The following GNAO1 variants were observed in gnomAD, a reference collection of about 807,000 sequenced individuals.
GNAO1 encodes the protein G protein subunit alpha o1.
For missense variants in GNAO1, 166 were observed against 478.7 expected, an observed-to-expected ratio of 0.35 and a Z score of 6.10; for synonymous variants, 164 against 180.7, an observed-to-expected ratio of 0.91 and a Z score of 0.74.
At chr16:56,305,248 A>G (rs1354930455) in intron 3 of GNAO1, among the ~76,000 whole-genome samples, 1 of 152,226 alleles carries the variant, frequency 6.6e-6, no homozygotes, top group Non-Finnish European at 1.5e-5. Flanking sequence ...ACAATAGTTA[A>G]TGAAGCAGAT....
In GNAO1 at chr16:56,326,612, G is replaced by A. The variant is rs962932527; in HGVS notation, c.304-2019G>A. Among the ~76,000 whole-genome samples the A allele has an allele frequency of 2.6e-5, 4 of 152,216 alleles. No individual in the cohort carries two copies. Among genetic ancestry groups the A allele is most frequent in the South Asian group, 2.1e-4 (1 of 4,836 alleles). On this transcript the variant is annotated intron_variant, in intron 3 of 8. Transcript: ENST00000262493. This position sits in a 1 kb window ranked among gnomAD's most constrained non-coding sequence, Gnocchi z 4.8. The stretch of plus-strand genomic sequence containing the variant: ...TGGCTGCTGGGGCTCCATCCCATGG[G>A]GATCCTGTCTGAATGTGTAGCTTGT...
chr16:56,323,250 A>G (rs1190146173), intron 3 of GNAO1, among the ~76,000 whole-genome samples: 1 of 152,210 alleles, frequency 6.6e-6, no homozygotes, highest in African/African-American at 2.4e-5. Flanking sequence ...TGCGGGAATG[A>G]TGGGCAGCTG....
intron 6 of GNAO1, among the ~76,000 whole-genome samples, chr16:56,337,193 A>C (rs1374828511): frequency 6.6e-6 from 1 of 152,260 alleles, no homozygotes. Context: ...AAAAACCAGG[A>C]GGCAGCCAAG....
rs534773154 is a variant in GNAO1 at position 56,326,506 on chromosome 16, C to T, written c.304-2125C>T. On this transcript the variant is annotated intron_variant, in intron 3 of 8. Coordinates refer to ENST00000262493, the MANE Select transcript of GNAO1 (RefSeq NM_020988.3). This position sits in a 1 kb window ranked among gnomAD's most constrained non-coding sequence, Gnocchi z 4.8. The stretch of plus-strand genomic sequence containing the variant: ...AAGGAGTTTATTTGGGAGGTCATTT[C>T]AGGAAGCACCGAGGAAGTGGGGAAG... Among the ~76,000 whole-genome samples, 1 of 152,318 alleles carries T rather than the reference C, an allele frequency of 6.6e-6. No homozygotes were observed. The highest frequency in any genetic ancestry group is 2.4e-5 in the African/African-American group (1 of 41,568).
chr16:56,219,396 A>G (rs2036464065), intron 2 of GNAO1, among the ~76,000 whole-genome samples: 1 of 152,190 alleles, frequency 6.6e-6, no homozygotes, highest in Non-Finnish European at 1.5e-5. Context: ...AGGCTTGGGA[A>G]GTCAAGGCAC....
chr16:56,213,153 GA>G (rs2036406400), intron 2 of GNAO1: 1 of 394,556 alleles, frequency 2.5e-6, no homozygotes, highest in South Asian at 1.4e-4. Context: ...GAGGGAATGT[GA>G]ATTTGTCTGT....
In GNAO1 at chr16:56,235,514, C is replaced by T. The variant is rs745803237; in HGVS notation, c.162-40417C>T. Reference sequence around the variant, plus strand: ...TGGCACCTGCCTGGTCAGTTCTCCTCGACATCCCCTGAGAGCACAACCAGT... The same window carrying T: ...TGGCACCTGCCTGGTCAGTTCTCCTTGACATCCCCTGAGAGCACAACCAGT... On this transcript the variant is annotated intron_variant, in intron 2 of 8. Transcript: ENST00000262493. 4.8e-5 allele frequency: 21 copies of T among 435,928 alleles called. 1 individual carries two copies. Among genetic ancestry groups the T allele is most frequent in the East Asian group, 7.0e-5 (1 of 14,340 alleles). 27.0% of individuals were successfully genotyped at this position (435,928 alleles called of 1,614,324 possible).
chr16:56,246,322 C>T (rs1304605621), intron 2 of GNAO1, among the ~76,000 whole-genome samples: 1 of 152,232 alleles, frequency 6.6e-6, no homozygotes, highest in Non-Finnish European at 1.5e-5. Context: ...TTCAGCCTCC[C>T]AGCTGTAATC....
intron 2 of GNAO1, among the ~76,000 whole-genome samples, chr16:56,216,681 TA>T (rs2036439662): frequency 6.6e-6 from 1 of 152,224 alleles, no homozygotes; most frequent in African/African-American, 2.4e-5. Flanking sequence ...CACAGGACTG[TA>T]AAATATAAGC....
chr16:56,277,667 A>G (rs1418773468), intron 3 of GNAO1, among the ~76,000 whole-genome samples: 1 of 152,074 alleles, frequency 6.6e-6, no homozygotes, highest in Non-Finnish European at 1.5e-5. Context: ...ATCTTCAGGC[A>G]TGGCACAAGC....
chr16:56,344,890 G>C (rs1468098385), intron 6 of GNAO1: 4 of 985,402 alleles, frequency 4.1e-6, no homozygotes, highest in Admixed American at 6.1e-5. Context: ...AGGTCTAGAG[G>C]GGGTGGACTT....
chr16:56,218,419 C>T (rs1336283969), intron 2 of GNAO1, among the ~76,000 whole-genome samples: 1 of 152,164 alleles, frequency 6.6e-6, no homozygotes, highest in Non-Finnish European at 1.5e-5. Flanking sequence ...AAGTGGAGCA[C>T]ACGTGCCCTG....
chr16:56,269,755 C>G (rs1418196131), intron 2 of GNAO1, among the ~76,000 whole-genome samples: 1 of 152,150 alleles, frequency 6.6e-6, no homozygotes, highest in Admixed American at 6.5e-5. Flanking sequence ...AACCATGTAT[C>G]CCAACAGCCT....
chr16:56,208,685 A>G (rs1269231831), intron 2 of GNAO1, among the ~76,000 whole-genome samples: 1 of 152,062 alleles, frequency 6.6e-6, no homozygotes, highest in African/African-American at 2.4e-5. Context: ...ATAGGCAAGT[A>G]GTAGATCTCA....
At chr16:56,341,309 C>T (rs1174903658) in intron 6 of GNAO1, among the ~76,000 whole-genome samples, 1 of 152,204 alleles carries the variant, frequency 6.6e-6, no homozygotes, top group African/African-American at 2.4e-5. Context: ...AGATGAGGGG[C>T]GGGGCACAGA....
intron 2 of GNAO1, among the ~76,000 whole-genome samples, chr16:56,253,248 C>T (rs183118686): frequency 1.3e-5 from 2 of 152,158 alleles, no homozygotes; most frequent in African/African-American, 4.8e-5. Context: ...ATCTCACCCG[C>T]AACAGTGTGT....
chr16:56,256,328 C>A (rs2143469317), intron 2 of GNAO1, among the ~76,000 whole-genome samples: 1 of 152,304 alleles, frequency 6.6e-6, no homozygotes, highest in African/African-American at 2.4e-5. Flanking sequence ...GTCAATCAGG[C>A]AAAGCCAGTT....
intron 3 of GNAO1, among the ~76,000 whole-genome samples, chr16:56,313,390 T>TA (rs1407373549): frequency 6.6e-6 from 1 of 152,142 alleles, no homozygotes; most frequent in Non-Finnish European, 1.5e-5. Context: ...TGAAAATAAC[T>TA]ATAAGTCCAT....
intron 2 of GNAO1, among the ~76,000 whole-genome samples, chr16:56,197,588 G>C (rs2036244783): frequency 2.0e-5 from 3 of 152,218 alleles, no homozygotes; most frequent in South Asian, 2.1e-4. Flanking sequence ...TATGCTTGTT[G>C]AAAAGGGTTG....
Sources: gnomAD v4.1 joint callset for allele counts (sites outside exome capture counted in the v4.1 genomes callset) on GRCh38, gnomAD v4.1.1 for gene constraint, Gnocchi (gnomAD v3.1) non-coding constraint, MANE v1.5 for transcripts, NCBI Gene and HGNC (gene_info 2026-07-23, HGNC 2026-07-21) for gene names.